Variants in RSBN1 observed in about 807,000 individuals in gnomAD.
RSBN1 encodes round spermatid basic protein 1, also known as lysine-specific demethylase 9.
A neutral mutation model predicts 74.8 loss-of-function variants in RSBN1; 23 were observed. The ratio of observed to expected loss-of-function variants is 0.31; its 90% CI spans 0.22 to 0.44. The LOEUF (loss-of-function observed/expected upper bound fraction) is 0.44, where lower values mean the gene tolerates loss of function less well. Ranked by LOEUF, RSBN1 falls within the 20% of genes least tolerant of loss-of-function variation. The pLI, the probability that RSBN1 is intolerant of heterozygous loss-of-function variation, is 1.00. For synonymous variants in RSBN1, 407 were observed against 379.6 expected, an observed-to-expected ratio of 1.07 and a Z score of -0.84; for missense variants, 808 against 1,020.9, an observed-to-expected ratio of 0.79 and a Z score of 2.84.
chr1:113,806,241 A>G (rs1387412239), intron 1 of RSBN1, among the ~76,000 whole-genome samples: 1 of 151,990 alleles, frequency 6.6e-6, no homozygotes, highest in African/African-American at 2.4e-5. Flanking sequence ...AGGCTGAGGC[A>G]TAAGATTCCC....
At chr1:113,786,622 T>C (rs1660249426) in intron 2 of RSBN1, among the ~76,000 whole-genome samples, 1 of 152,154 alleles carries the variant, frequency 6.6e-6, no homozygotes, top group Non-Finnish European at 1.5e-5. Context: ...AAAACTTGAT[T>C]TTTTTCCCTC....
chr1:113,788,253 T>C (rs1660298602), intron 2 of RSBN1, among the ~76,000 whole-genome samples: 1 of 151,864 alleles, frequency 6.6e-6, no homozygotes, highest in South Asian at 2.1e-4. Context: ...TAATATACAA[T>C]TAATAAAAGT....
In RSBN1 at chr1:113,776,751, A is replaced by C. The variant is rs1447906929; in HGVS notation, c.1658+459T>G. On this transcript the variant is annotated intron_variant, in intron 4 of 6. Coordinates refer to ENST00000261441, the MANE Select transcript of RSBN1 (RefSeq NM_018364.5). ...CCTGAGACCAGAAGTTCAAGAATAC[A>C]GTGAGCTATGATTGTACCACTGCAC... 2.6e-5 allele frequency among the ~76,000 whole-genome samples: 4 copies of C among 151,124 alleles called. No individual in the cohort carries two copies. The Admixed American group carries it at 2.6e-4, about 10-fold the overall frequency.
chr1:113,767,455 T>C (rs75295864), intron 5 of RSBN1, among the ~76,000 whole-genome samples: 1 of 152,206 alleles, frequency 6.6e-6, no homozygotes, highest in African/African-American at 2.4e-5. Context: ...TCTAAACTAG[T>C]TGCATTTGCA....
chr1:113,798,078 T>C (rs1461155060), intron 1 of RSBN1, 42 bp from the exon 2 acceptor site: 2 of 1,520,260 alleles, frequency 1.3e-6, no homozygotes, highest in Admixed American at 2.1e-5. Flanking sequence ...CTAGGACTAG[T>C]GTCAACATAC....
At chr1:113,808,454 T>C (rs952993682) in intron 1 of RSBN1, among the ~76,000 whole-genome samples, 3 of 152,216 alleles carry the variant, frequency 2.0e-5, no homozygotes, top group African/African-American at 7.2e-5. Context: ...GTGGAACCCA[T>C]GGATACAGAG....
intron 1 of RSBN1, among the ~76,000 whole-genome samples, chr1:113,807,787 A>G (rs964296790): frequency 3.0e-5 from 4 of 132,794 alleles, no homozygotes; most frequent in South Asian, 2.6e-4. Flanking sequence ...ATATATATAT[A>G]TATGTATATG....
chr1:113,808,676 CA>C (rs1660767017), intron 1 of RSBN1, among the ~76,000 whole-genome samples: 1 of 152,252 alleles, frequency 6.6e-6, no homozygotes, highest in South Asian at 2.1e-4. Context: ...GGATGGATCT[CA>C]GGGACATCAC....
chr1:113,776,776 C>T (rs901420691), intron 4 of RSBN1, among the ~76,000 whole-genome samples: 1 of 143,664 alleles, frequency 7.0e-6, no homozygotes, highest in African/African-American at 2.6e-5. Context: ...TACCACTGCA[C>T]TCTAGCTCTG....
intron 4 of RSBN1, among the ~76,000 whole-genome samples, 154 bp from the exon 5 acceptor site, chr1:113,768,543 A>T (rs1659829428): frequency 6.6e-6 from 1 of 152,210 alleles, no homozygotes; most frequent in Non-Finnish European, 1.5e-5. Context: ...GATCATTAGC[A>T]TTTAACACAC....
chr1:113,798,156 C>T, intron 1 of RSBN1, 120 bp from the exon 2 acceptor site: 1 of 814,922 alleles, frequency 1.2e-6, no homozygotes, highest in Non-Finnish European at 1.9e-6. Context: ...GCTATTACAA[C>T]TTACGTGTTT....
At chr1:113,771,672 G>T (rs1659886678) in intron 4 of RSBN1, among the ~76,000 whole-genome samples, 1 of 151,650 alleles carries the variant, frequency 6.6e-6, no homozygotes, top group South Asian at 2.1e-4. Flanking sequence ...AGTCAGCGTG[G>T]TTCTGGAAGA....
At chr1:113,796,729 T>C (rs1184264484) in intron 2 of RSBN1, among the ~76,000 whole-genome samples, 2 of 152,174 alleles carry the variant, frequency 1.3e-5, no homozygotes, top group Non-Finnish European at 2.9e-5. Context: ...CTAAAATAAC[T>C]TCACTGAAAA....
At position 113,800,837 on chromosome 1, in the gene RSBN1, CA is replaced by C. The variant is rs34099478; in HGVS notation, c.704-2802del. On this transcript the variant is annotated intron_variant, in intron 1 of 6. Coordinates refer to ENST00000261441, the MANE Select transcript of RSBN1 (RefSeq NM_018364.5). The stretch of plus-strand genomic sequence containing the variant: ...TCAATTAGTCCAACATGGCCCATCT[CA>C]AAAAAAAACAACAAAAAAAACAAAA... 1.5e-4 allele frequency among the ~76,000 whole-genome samples: 21 copies of C among 143,644 alleles called. No homozygotes were observed. In the South Asian group the frequency reaches 1.6e-3, roughly 11 times the overall value. 94.2% of individuals were successfully genotyped at this position (143,644 alleles called of 152,430 possible).
intron 1 of RSBN1, among the ~76,000 whole-genome samples, chr1:113,807,543 T>C (rs1169766185): frequency 2.0e-5 from 3 of 151,868 alleles, no homozygotes; most frequent in Non-Finnish European, 1.5e-5. Context: ...GTGGATCACC[T>C]GAGGTCAGGA....
In RSBN1 at chr1:113,797,961, T is replaced by C; in HGVS notation, c.779A>G (p.Lys260Arg). ...VLKKIKKKKKKKHREDMRGRR... is the reference protein window; with the variant it reads ...VLKKIKKKKKRKHREDMRGRR... Reference sequence around the variant, plus strand: ...TCCTCGCATGTCTTCTCGGTGTTTCTTTTTCTTTTTCTTCTTTATTTTCTT... The same window carrying C: ...TCCTCGCATGTCTTCTCGGTGTTTCCTTTTCTTTTTCTTCTTTATTTTCTT... The change falls in exon 2 of 7, where the codon AAG becomes AGG. Residue 260 changes from lysine to arginine, a missense_variant. Physicochemically the swap from Lys to Arg is conservative, Grantham distance 26 (BLOSUM62 2). Coordinates refer to ENST00000261441, the MANE Select transcript of RSBN1 (RefSeq NM_018364.5). The C allele has an allele frequency of 6.2e-7, 1 of 1,612,882 alleles. No individual in the cohort carries two copies. The highest frequency in any genetic ancestry group is 8.5e-7 in the Non-Finnish European group (1 of 1,179,726).
chr1:113,767,982 G>A (rs1216223584), intron 5 of RSBN1: 3 of 331,678 alleles, frequency 9.0e-6, no homozygotes, highest in Non-Finnish European at 1.6e-5. Context: ...AGTAAAAGAG[G>A]AATTGTTGTT....
chr1:113,773,718 C>T (rs1011709584), intron 4 of RSBN1, among the ~76,000 whole-genome samples: 2 of 151,504 alleles, frequency 1.3e-5, no homozygotes, highest in Admixed American at 6.6e-5. Context: ...AATATAAACA[C>T]GCATGGCCAC....
rs1328882848 is a variant in RSBN1, at chr1:113,762,291, C to A, written c.*3689G>T. 2 of 152,680 alleles carry A rather than the reference C, an allele frequency of 1.3e-5. No homozygotes were observed. The highest frequency in any genetic ancestry group is 4.8e-5 in the African/African-American group (2 of 41,426). 9.5% of individuals were successfully genotyped at this position (152,680 alleles called of 1,614,324 possible). ...AAGAGACAGTGGTCTCAACTACATG[C>A]ACAAGTGGATCCTAAAAAATGTATG... On this transcript the variant is annotated 3_prime_UTR_variant, in exon 7 of 7. Transcript: ENST00000261441.
Sources: allele counts gnomAD v4.1 joint callset (sites outside exome capture counted in the v4.1 genomes callset), GRCh38; gene constraint gnomAD v4.1.1; transcripts MANE v1.5; gene names NCBI Gene and HGNC (gene_info 2026-07-23, HGNC 2026-07-21).